PTPRN2: variants seen among roughly 807,000 people sequenced by gnomAD.
The protein encoded by PTPRN2 is receptor-type tyrosine-protein phosphatase N2.
Under a neutral mutation model 118.8 loss-of-function variants are expected in PTPRN2, and 74 were observed. That is an observed-to-expected ratio of 0.62 (90% CI 0.52 to 0.76). PTPRN2 has a LOEUF of 0.76. PTPRN2 is among the 30% of genes least tolerant of loss of function. The probability of loss-of-function intolerance (pLI) is 0.00; values close to 1 mark genes in which losing one functional copy is unlikely to be tolerated. For missense variants in PTPRN2, 1,481 were observed against 1,394.4 expected (o/e 1.06, Z -0.99); for synonymous variants, 641 against 608.0 (o/e 1.05, Z -0.80).
At chr7:158,305,624 GA>G (rs1801225337) in intron 3 of PTPRN2, among the ~76,000 whole-genome samples, 1 of 152,108 alleles carries the variant, frequency 6.6e-6, no homozygotes, top group Non-Finnish European at 1.5e-5. Context: ...GAGGACCAGA[GA>G]AAAGCAGCCT....
At chr7:157,675,346 G>A (rs940966681) in intron 13 of PTPRN2, among the ~76,000 whole-genome samples, 1 of 152,084 alleles carries the variant, frequency 6.6e-6, no homozygotes, top group Non-Finnish European at 1.5e-5. Flanking sequence ...ACAGATGCCC[G>A]AGGCTGCACC....
chr7:157,661,873 C>A (rs547947028), intron 13 of PTPRN2, among the ~76,000 whole-genome samples: 19 of 152,326 alleles, frequency 1.2e-4, no homozygotes, highest in Middle Eastern at 6.8e-3. Context: ...TCTGGGGGAA[C>A]CTGCCACTTA....
At chr7:158,113,693 T>C (rs2150375785) in intron 9 of PTPRN2, among the ~76,000 whole-genome samples, 1 of 152,270 alleles carries the variant, frequency 6.6e-6, no homozygotes, top group South Asian at 2.1e-4. Flanking sequence ...TTATGAATCC[T>C]TCCTGGGGAC....
At chr7:158,188,316 CCGCCACGCTCGCCCCCT>C (rs1825407047) in intron 5 of PTPRN2, among the ~76,000 whole-genome samples, 3 of 116,760 alleles carry the variant, frequency 2.6e-5, no homozygotes, top group African/African-American at 3.7e-5. Context: ...ATGGGGAAGG[CCGCCACGCTCGCCCCCT>C]GATGGGGAAG....
At chr7:158,358,233 C>T (rs1172483043) in intron 2 of PTPRN2, among the ~76,000 whole-genome samples, 1 of 152,202 alleles carries the variant, frequency 6.6e-6, no homozygotes, top group South Asian at 2.1e-4. Context: ...TTTCTTCCGG[C>T]CTGGTCTTAA....
intron 1 of PTPRN2, among the ~76,000 whole-genome samples, chr7:158,586,269 C>A (rs1828918932): frequency 6.6e-6 from 1 of 152,208 alleles, no homozygotes; most frequent in African/African-American, 2.4e-5. Flanking sequence ...GGGAGGGGAG[C>A]GTCAACTCAG....
chr7:157,996,090 C>A (rs1804707295), intron 11 of PTPRN2, among the ~76,000 whole-genome samples: 1 of 152,140 alleles, frequency 6.6e-6, no homozygotes, highest in Non-Finnish European at 1.5e-5. Context: ...CAATGGAATA[C>A]TATTCAGCCA....
chr7:158,262,315 C>A (rs1427386152), intron 3 of PTPRN2, among the ~76,000 whole-genome samples: 1 of 150,136 alleles, frequency 6.7e-6, no homozygotes, highest in Non-Finnish European at 1.5e-5. Context: ...TCACACACTG[C>A]ACACACATTC....
intron 2 of PTPRN2, among the ~76,000 whole-genome samples, chr7:158,372,315 T>A (rs1463135147): frequency 7.0e-6 from 1 of 142,668 alleles, no homozygotes; most frequent in Non-Finnish European, 1.5e-5. Flanking sequence ...CCAACGCTGG[T>A]CCCCGGAGCT....
chr7:158,320,523 A>G (rs72505558), intron 2 of PTPRN2, among the ~76,000 whole-genome samples: 93 of 56,624 alleles, frequency 1.6e-3, no homozygotes, highest in Non-Finnish European at 2.3e-3. Context: ...CAGCAGCGCC[A>G]GGTGGCGTCC....
intron 2 of PTPRN2, among the ~76,000 whole-genome samples, chr7:158,337,534 C>G (rs1485854199): frequency 5.9e-4 from 76 of 128,266 alleles, no homozygotes; most frequent in African/African-American, 2.4e-3. Flanking sequence ...GAGGTGACAC[C>G]TGCAGACGTC....
intron 10 of PTPRN2, among the ~76,000 whole-genome samples, chr7:158,085,278 A>G (rs1585384763): frequency 1.1e-4 from 10 of 91,382 alleles, no homozygotes; most frequent in South Asian, 4.5e-4. Context: ...CCACACAGAT[A>G]CCCATCCACA....
In PTPRN2 at chr7:157,591,537, G is replaced by A. The variant is rs1303738506; in HGVS notation, c.2496+3701C>T. On this transcript the variant is annotated intron_variant, in intron 17 of 22. Transcript: ENST00000389418. This position sits in a 1 kb window ranked among gnomAD's most constrained non-coding sequence, Gnocchi z 4.4. ...TGTCCTTAAAAATACACGTTACCGT[G>A]GGTTTGGAAAAGTTCTGCCTTCCGT... Among the ~76,000 whole-genome samples the A allele has an allele frequency of 6.6e-6, 1 of 152,198 alleles. No individual in the cohort carries two copies. Among genetic ancestry groups the A allele is most frequent in the Admixed American group, 6.5e-5 (1 of 15,280 alleles).
intron 6 of PTPRN2, among the ~76,000 whole-genome samples, chr7:158,143,957 C>G (rs1438728386): frequency 6.6e-6 from 1 of 152,134 alleles, no homozygotes; most frequent in African/African-American, 2.4e-5. Flanking sequence ...CGGAGCTCCC[C>G]AGGACTGCAG....
chr7:158,315,142 C>T (rs1465395633), intron 3 of PTPRN2, among the ~76,000 whole-genome samples: 21 of 98,026 alleles, frequency 2.1e-4, no homozygotes, highest in African/African-American at 8.7e-4. Context: ...GAGGTGAACC[C>T]GGGACCCCCT....
At chr7:158,437,827 G>C (rs1185604644) in intron 2 of PTPRN2, among the ~76,000 whole-genome samples, 3 of 152,214 alleles carry the variant, frequency 2.0e-5, no homozygotes, top group Non-Finnish European at 4.4e-5. Flanking sequence ...GAAAGCCACA[G>C]GTGCTGATTG....
chr7:157,700,153 C>T (rs1293533996), intron 12 of PTPRN2, among the ~76,000 whole-genome samples: 1 of 152,218 alleles, frequency 6.6e-6, no homozygotes, highest in Admixed American at 6.5e-5. Context: ...AGCTTTTTCA[C>T]TTGTGATTCT....
chr7:158,001,160 T>A (rs1805222172), intron 11 of PTPRN2, among the ~76,000 whole-genome samples: 1 of 137,260 alleles, frequency 7.3e-6, no homozygotes, highest in Non-Finnish European at 1.6e-5. Context: ...GGGGCTGGGG[T>A]TTGGCCGCAG....
chr7:158,121,178 C>A (rs1817145041), intron 9 of PTPRN2, among the ~76,000 whole-genome samples: 1 of 152,218 alleles, frequency 6.6e-6, no homozygotes, highest in Middle Eastern at 3.4e-3. Flanking sequence ...ACCTGCCTTG[C>A]CTCAGCCCCC....
Sources: allele counts gnomAD v4.1 joint callset (sites outside exome capture counted in the v4.1 genomes callset), GRCh38; gene constraint gnomAD v4.1.1; non-coding constraint Gnocchi (gnomAD v3.1); transcripts MANE v1.5; gene names NCBI Gene and HGNC (gene_info 2026-07-23, HGNC 2026-07-21).